YAF2: variants seen among roughly 807,000 people sequenced by gnomAD.
YAF2 encodes the protein YY1 associated factor 2.
Under a neutral mutation model 20.1 loss-of-function variants are expected in YAF2, and 7 were observed. The observed-to-expected ratio is 0.35, with a 90% CI of 0.20 to 0.65. The LOEUF (loss-of-function observed/expected upper bound fraction) is 0.65, where lower values mean the gene tolerates loss of function less well. YAF2 is among the 30% of genes least tolerant of loss of function. YAF2 has a pLI of 0.69. For missense variants in YAF2, 151 were observed against 219.2 expected, an observed-to-expected ratio of 0.69 and a Z score of 1.96; for synonymous variants, 74 against 76.0, an observed-to-expected ratio of 0.97 and a Z score of 0.14.
intron 2 of YAF2, among the ~76,000 whole-genome samples, chr12:42,215,964 AAAT>A: frequency 7.9e-6 from 1 of 126,108 alleles, no homozygotes; most frequent in East Asian, 2.2e-4. Context: ...ATAAATAAAT[AAAT>A]AAATAAATAA....
chr12:42,222,537 G>C (rs2067550407), intron 2 of YAF2, among the ~76,000 whole-genome samples: 1 of 152,108 alleles, frequency 6.6e-6, no homozygotes, highest in Admixed American at 6.5e-5. Flanking sequence ...ATATAGGAAA[G>C]CACTCTGAAC....
chr12:42,200,719 T>C (rs930041217), intron 2 of YAF2, among the ~76,000 whole-genome samples: 3 of 152,272 alleles, frequency 2.0e-5, no homozygotes, highest in East Asian at 3.9e-4. Flanking sequence ...GTAAATTAGA[T>C]CACATTGTAC....
chr12:42,174,206 A>G (rs1364050178), intron 2 of YAF2, among the ~76,000 whole-genome samples: 1 of 151,634 alleles, frequency 6.6e-6, no homozygotes, highest in South Asian at 2.1e-4. Context: ...TACTCACTCT[A>G]TACTTTTCCC....
chr12:42,200,968 A>G (rs969273759), intron 2 of YAF2, among the ~76,000 whole-genome samples: 1 of 152,164 alleles, frequency 6.6e-6, no homozygotes, highest in Non-Finnish European at 1.5e-5. Flanking sequence ...CTGACTTTTC[A>G]TGAGGATTAC....
chr12:42,226,538 C>A (rs1354391041), intron 2 of YAF2, among the ~76,000 whole-genome samples: 1 of 152,102 alleles, frequency 6.6e-6, no homozygotes, highest in African/African-American at 2.4e-5. Context: ...GTGGCACACC[C>A]CTGTAGTCCC....
Position 42,159,511 on chromosome 12 carries a change from G to C in YAF2, c.*1078C>G, listed in dbSNP as rs912216945. ...TGGGGCTATACTTTTTTCCTTTCAG[G>C]ATACTGAGAAATGTGTAAACTGGCA... On this transcript the variant is annotated 3_prime_UTR_variant, in exon 4 of 4. Transcript: ENST00000534854. 25 of 151,944 alleles carry C rather than the reference G, an allele frequency of 1.6e-4. No homozygotes were observed. The highest frequency in any genetic ancestry group is 5.8e-4 in the African/African-American group (24 of 41,422). The allele number at this position is 151,944 out of a possible 1,614,324, so 9.4% of individuals were successfully genotyped here.
At chr12:42,172,566 T>C (rs1046197171) in intron 2 of YAF2, among the ~76,000 whole-genome samples, 2 of 152,098 alleles carry the variant, frequency 1.3e-5, no homozygotes, top group African/African-American at 4.8e-5. Context: ...ATTTAAAAGG[T>C]TTGAAAAATA....
intron 2 of YAF2, among the ~76,000 whole-genome samples, chr12:42,230,210 T>A (rs1286537777): frequency 1.3e-5 from 2 of 151,926 alleles, no homozygotes; most frequent in Non-Finnish European, 2.9e-5. Flanking sequence ...TGAGCCAAGA[T>A]CGCGCTACTG....
At chr12:42,202,545 T>C (rs1016773744) in intron 2 of YAF2, among the ~76,000 whole-genome samples, 4 of 152,236 alleles carry the variant, frequency 2.6e-5, no homozygotes, top group African/African-American at 9.6e-5. Flanking sequence ...ACTAATTTCA[T>C]TCAACATTAA....
In YAF2 at chr12:42,160,590, T is replaced by C. The variant is rs1201495775; in HGVS notation, c.542A>G (p.Ter181=). 1.9e-6 allele frequency: 3 copies of C among 1,609,960 alleles called. No individual in the cohort carries two copies. Among genetic ancestry groups the C allele is most frequent in the East Asian group, 2.2e-5 (1 of 44,856 alleles). Residue 181 remains the stop codon, a stop_retained_variant, in exon 4 of 4, where the codon TAA becomes TGA. Transcript: ENST00000534854. The part of the protein sequence containing the change: ...EASSLNGESH[*] ...CTAAGAAATTGGAGAAAATAAACTT[T>C]AATGAGATTCTCCATTCAATGATGA...
At chr12:42,215,921 G>C (rs112631828) in intron 2 of YAF2, among the ~76,000 whole-genome samples, 3,465 of 146,316 alleles carry the variant, frequency 0.024, 132 homozygotes, top group African/African-American at 0.084. Context: ...CGAGATTCCA[G>C]CTCAAAAAAT....
chr12:42,183,273 T>C (rs1197828577), intron 2 of YAF2, among the ~76,000 whole-genome samples: 1 of 152,162 alleles, frequency 6.6e-6, no homozygotes, highest in Admixed American at 6.5e-5. Context: ...AACTCAACAA[T>C]GGTGTCTAAT....
chr12:42,169,885 T>A, intron 2 of YAF2, among the ~76,000 whole-genome samples: 1 of 151,826 alleles, frequency 6.6e-6, no homozygotes. Context: ...TTTCTTTTTT[T>A]TTTAAGACAG....
intron 2 of YAF2, among the ~76,000 whole-genome samples, chr12:42,167,800 G>GT (rs2065950941): frequency 6.6e-6 from 1 of 152,082 alleles, no homozygotes; most frequent in South Asian, 2.1e-4. Context: ...GGGCCCAGGA[G>GT]TTTGAGACCA....
chr12:42,222,204 T>C (rs946700859), intron 2 of YAF2, among the ~76,000 whole-genome samples: 9 of 152,138 alleles, frequency 5.9e-5, no homozygotes, highest in Non-Finnish European at 1.2e-4. Context: ...GCTATAAAGA[T>C]TTAAGGAAAA....
intron 2 of YAF2, among the ~76,000 whole-genome samples, chr12:42,174,769 G>A (rs1191304953): frequency 3.3e-5 from 5 of 151,894 alleles, no homozygotes; most frequent in African/African-American, 1.2e-4. Flanking sequence ...CACTTGCAAT[G>A]GCATTTTAAA....
chr12:42,198,596 A>G (rs2066816736), intron 2 of YAF2, among the ~76,000 whole-genome samples: 1 of 152,220 alleles, frequency 6.6e-6, no homozygotes. Flanking sequence ...AAAACAAAAC[A>G]AAAGTTTATC....
chr12:42,237,876 G>A (rs1393665336), intron 1 of YAF2, 152 bp from the exon 2 acceptor site: 1 of 695,910 alleles, frequency 1.4e-6, no homozygotes, highest in African/African-American at 2.0e-5. Flanking sequence ...CCGGCTGAGG[G>A]GGAAGGGAGT....
rs71084626 is a variant in YAF2, at chr12:42,228,474, TGG to T, written c.152+9123_152+9124del. ...CCAGCCGCCCCGTCCGGGAGGGAGG[TGG>T]GGGGGGGGGGTCAGCCCCCCCGCCT... On this transcript the variant is annotated intron_variant, in intron 2 of 3. Coordinates refer to ENST00000534854, the MANE Select transcript of YAF2 (RefSeq NM_005748.6). 8.6e-3 allele frequency among the ~76,000 whole-genome samples: 56 copies of T among 6,498 alleles called. 6 individuals carry two copies. Among genetic ancestry groups the T allele is most frequent in the African/African-American group, 0.022 (18 of 804 alleles). The allele number at this position is 6,498 out of a possible 152,430, so 4.3% of individuals were successfully genotyped here. A position where few individuals can be genotyped will look rare whatever the true frequency, so the allele number is the denominator to read the frequency against.
Sources: allele counts gnomAD v4.1 joint callset (sites outside exome capture counted in the v4.1 genomes callset), GRCh38; gene constraint gnomAD v4.1.1; transcripts MANE v1.5; gene names NCBI Gene and HGNC (gene_info 2026-07-23, HGNC 2026-07-21).